Variants in PRMT8 observed in about 807,000 individuals in gnomAD.
PRMT8 encodes the protein protein arginine methyltransferase 8.
Under a neutral mutation model 47.1 loss-of-function variants are expected in PRMT8, and 7 were observed. The ratio of observed to expected loss-of-function variants is 0.15; its 90% CI spans 0.08 to 0.28. The LOEUF (loss-of-function observed/expected upper bound fraction) is 0.28. PRMT8 is among the 10% of genes least tolerant of loss of function. The pLI, the probability that PRMT8 is intolerant of heterozygous loss-of-function variation, is 1.00. For synonymous variants in PRMT8, 188 were observed against 186.5 expected, an observed-to-expected ratio of 1.01 and a Z score of -0.07; for missense variants, 237 against 505.4, an observed-to-expected ratio of 0.47 and a Z score of 5.09.
chr12:3,561,293 C>T (rs1350661834), intron 4 of PRMT8, among the ~76,000 whole-genome samples: 1 of 152,202 alleles, frequency 6.6e-6, no homozygotes, highest in Non-Finnish European at 1.5e-5. Flanking sequence ...TGCCTGCCAG[C>T]GGTTGTGGAA....
At position 3,479,225 on chromosome 12, in the gene PRMT8, G is replaced by C. The variant is rs994652476; in HGVS notation, c.49-61381G>C. 1.1e-4 allele frequency among the ~76,000 whole-genome samples: 17 copies of C among 152,328 alleles called. No homozygotes were observed. The East Asian group carries it at 3.3e-3, about 29-fold the overall frequency. On this transcript the variant is annotated intron_variant, in intron 1 of 9. Transcript: ENST00000452611. ...AACCAAGTGGGACTAATGTTCCCAG[G>C]ACAGGTTCATGCCTCCCAATGGCTT...
At chr12:3,520,528 T>C (rs1865865395) in intron 1 of PRMT8, among the ~76,000 whole-genome samples, 1 of 152,224 alleles carries the variant, frequency 6.6e-6, no homozygotes, top group Admixed American at 6.5e-5. Context: ...CATCAAACTG[T>C]AACTGTTTAA....
chr12:3,410,311 A>C (rs1392569109), intron 1 of PRMT8, among the ~76,000 whole-genome samples: 1 of 152,180 alleles, frequency 6.6e-6, no homozygotes, highest in African/African-American at 2.4e-5. Context: ...GCAGTGACCC[A>C]CTGCCTGGGC....
chr12:3,511,598 G>A (rs1865714817), intron 1 of PRMT8, among the ~76,000 whole-genome samples: 1 of 152,176 alleles, frequency 6.6e-6, no homozygotes, highest in African/African-American at 2.4e-5. Flanking sequence ...CTAAGTGCAA[G>A]AGCTCTTTCT....
At chr12:3,397,943 C>T (rs943538196) in intron 1 of PRMT8, among the ~76,000 whole-genome samples, 1 of 152,202 alleles carries the variant, frequency 6.6e-6, no homozygotes, top group Admixed American at 6.5e-5. Flanking sequence ...GTCGGAAAAG[C>T]GCAGTATTCG....
Position 3,508,202 on chromosome 12 carries a change from G to A in PRMT8, c.75+16502G>A, listed in dbSNP as rs946788483. Among the ~76,000 whole-genome samples, 4 of 151,978 alleles carry A rather than the reference G, an allele frequency of 2.6e-5. No homozygotes were observed. Among genetic ancestry groups the A allele is most frequent in the Non-Finnish European group, 5.9e-5 (4 of 68,014 alleles). ...AGGAGAAAATTTATAGTTCATAATG[G>A]GAATAGTCAATTCTGATGTTCACCG... On this transcript the variant is annotated intron_variant, in intron 1 of 9. Coordinates refer to ENST00000382622, the MANE Select transcript of PRMT8 (RefSeq NM_019854.5). This position sits in a 1 kb window ranked among gnomAD's most constrained non-coding sequence, Gnocchi z 4.9.
chr12:3,402,959 A>G (rs1864332443), intron 1 of PRMT8, among the ~76,000 whole-genome samples: 1 of 152,200 alleles, frequency 6.6e-6, no homozygotes, highest in African/African-American at 2.4e-5. Context: ...CAACAATCCC[A>G]TTACTGGGTA....
intron 1 of PRMT8, among the ~76,000 whole-genome samples, chr12:3,470,858 G>T (rs1345754280): frequency 2.0e-5 from 3 of 152,206 alleles, no homozygotes; most frequent in Non-Finnish European, 4.4e-5. Context: ...CTGGGACACA[G>T]GGCCTGCTTT....
intron 1 of PRMT8, among the ~76,000 whole-genome samples, chr12:3,448,910 C>T (rs573759001): frequency 1.8e-3 from 269 of 152,120 alleles, no homozygotes; most frequent in Non-Finnish European, 3.2e-3. Context: ...CCCATAGGCC[C>T]CAGTGTGTGC....
intron 1 of PRMT8, among the ~76,000 whole-genome samples, chr12:3,428,495 G>A (rs767404317): frequency 6.6e-6 from 1 of 152,164 alleles, no homozygotes. Context: ...AAGGCTACAG[G>A]TTGTCAACGG....
At chr12:3,497,812 G>C (rs1043536933) in intron 1 of PRMT8, among the ~76,000 whole-genome samples, 6 of 152,170 alleles carry the variant, frequency 3.9e-5, no homozygotes, top group African/African-American at 1.4e-4. Flanking sequence ...TGAGCAAACA[G>C]CTTGATGTGC....
intron 1 of PRMT8, among the ~76,000 whole-genome samples, chr12:3,478,174 T>A (rs1031941723): frequency 6.6e-6 from 1 of 152,196 alleles, no homozygotes; most frequent in Non-Finnish European, 1.5e-5. Context: ...ACATAATTAA[T>A]GAAAAGGAGT....
chr12:3,515,163 G>A (rs550767941), intron 1 of PRMT8, among the ~76,000 whole-genome samples: 6 of 152,336 alleles, frequency 3.9e-5, no homozygotes, highest in South Asian at 2.1e-4. Flanking sequence ...CTATTCCAGC[G>A]TGCACTCAGC....
chr12:3,394,217 A>G (rs1233863449), intron 1 of PRMT8, among the ~76,000 whole-genome samples: 9 of 151,672 alleles, frequency 5.9e-5, no homozygotes, highest in East Asian at 3.9e-4. Flanking sequence ...TCTCCTGCCT[A>G]ATTGCCCTGG....
chr12:3,423,584 A>G (rs1591545298), intron 1 of PRMT8, among the ~76,000 whole-genome samples: 1 of 152,168 alleles, frequency 6.6e-6, no homozygotes, highest in South Asian at 2.1e-4. Context: ...GGCAGTAGGA[A>G]GAAAGATGGT....
chr12:3,466,586 T>C (rs998580302), intron 1 of PRMT8, among the ~76,000 whole-genome samples: 1 of 152,170 alleles, frequency 6.6e-6, no homozygotes, highest in African/African-American at 2.4e-5. Flanking sequence ...TATGACATTA[T>C]CACTATCAGG....
At chr12:3,427,661 G>T (rs1555078670) in intron 1 of PRMT8, among the ~76,000 whole-genome samples, 1 of 150,258 alleles carries the variant, frequency 6.7e-6, no homozygotes, top group African/African-American at 2.5e-5. Context: ...AACATTTCTT[G>T]CATAAATTCT....
At chr12:3,469,276 C>G in intron 1 of PRMT8, 1 of 431,694 alleles carries the variant, frequency 2.3e-6, no homozygotes, top group Non-Finnish European at 4.5e-6. Flanking sequence ...TGCCTCACGA[C>G]CCCCACCAAA....
intron 7 of PRMT8, 42 bp downstream of exon 7, chr12:3,577,028 C>G: frequency 6.6e-7 from 1 of 1,522,300 alleles, no homozygotes; most frequent in Non-Finnish European, 9.1e-7. Flanking sequence ...GTGCTGGGAG[C>G]CCCGCTGTGC....
Sources: allele counts gnomAD v4.1 joint callset (sites outside exome capture counted in the v4.1 genomes callset), GRCh38; gene constraint gnomAD v4.1.1; non-coding constraint Gnocchi (gnomAD v3.1); transcripts MANE v1.5; gene names NCBI Gene and HGNC (gene_info 2026-07-23, HGNC 2026-07-21).